FAT1: variants seen among roughly 807,000 people sequenced by gnomAD.
The protein encoded by FAT1 is FAT atypical cadherin 1.
A neutral mutation model predicts 329.8 loss-of-function variants in FAT1; 171 were observed. That is an observed-to-expected ratio of 0.52 (90% CI 0.46 to 0.59). The LOEUF (loss-of-function observed/expected upper bound fraction) is 0.59. FAT1 is among the 20% of genes least tolerant of loss of function. The probability of loss-of-function intolerance (pLI) is 0.00; values close to 1 mark genes in which losing one functional copy is unlikely to be tolerated. For missense variants in FAT1, 5,672 were observed against 5,774.4 expected, an observed-to-expected ratio of 0.98 and a Z score of 0.57; for synonymous variants, 2,233 against 2,228.6, an observed-to-expected ratio of 1.00 and a Z score of -0.06.
At chr4:186,689,459 C>T (rs909921138) in intron 2 of FAT1, among the ~76,000 whole-genome samples, 1 of 152,132 alleles carries the variant, frequency 6.6e-6, no homozygotes, top group African/African-American at 2.4e-5. Flanking sequence ...AAAACAAAGT[C>T]TGATTTTAAA....
chr4:186,658,175 C>A (rs1741995945), intron 3 of FAT1, among the ~76,000 whole-genome samples: 1 of 152,164 alleles, frequency 6.6e-6, no homozygotes, highest in Admixed American at 6.5e-5. Context: ...GTGCATATAT[C>A]ACAAAAAGAG....
At chr4:186,714,876 G>T (rs188541436) in intron 1 of FAT1, among the ~76,000 whole-genome samples, 1 of 152,112 alleles carries the variant, frequency 6.6e-6, no homozygotes, top group Non-Finnish European at 1.5e-5. Flanking sequence ...TCAAGAGACC[G>T]AGACCATCCT....
chr4:186,698,236 G>A (rs1013423699), intron 2 of FAT1, among the ~76,000 whole-genome samples: 3 of 152,164 alleles, frequency 2.0e-5, no homozygotes, highest in South Asian at 2.1e-4. Flanking sequence ...CAGACAGGCC[G>A]CGCACTGAGT....
Position 186,597,051 on chromosome 4 carries a change from C to T in FAT1, c.12489G>A (p.Glu4163=), listed in dbSNP as rs746533501. ...ACACATACTGGTTGGGCGCAGCATC[C>T]TCGCAGTGACGTCCCCTGTACTCGT... is the stretch of plus-strand genomic sequence containing the variant. The part of the protein sequence containing the change: ...CSHEYRGRHC[E]DAAPNQYVST... The change falls in exon 25 of 27, where the codon GAG becomes GAA. Residue 4163 remains glutamate (E), a synonymous_variant. Coordinates refer to ENST00000441802, the MANE Select transcript of FAT1 (RefSeq NM_005245.4). 1.2e-6 allele frequency: 2 copies of T among 1,614,026 alleles called. No individual in the cohort carries two copies. Among genetic ancestry groups the T allele is most frequent in the South Asian group, 1.1e-5 (1 of 91,086 alleles).
intron 2 of FAT1, among the ~76,000 whole-genome samples, chr4:186,678,579 T>C (rs1743056411): frequency 6.7e-6 from 1 of 148,816 alleles, no homozygotes; most frequent in Non-Finnish European, 1.5e-5. Flanking sequence ...GTCATTAATA[T>C]CAATTATTGT....
At chr4:186,692,421 T>G (rs182392626) in intron 2 of FAT1, among the ~76,000 whole-genome samples, 1 of 152,108 alleles carries the variant, frequency 6.6e-6, no homozygotes, top group Non-Finnish European at 1.5e-5. Flanking sequence ...CACGCCATTC[T>G]CCTGCCTCAG....
At chr4:186,628,967 G>A (rs1014272441) in intron 7 of FAT1, among the ~76,000 whole-genome samples, 5 of 152,156 alleles carry the variant, frequency 3.3e-5, no homozygotes, top group Non-Finnish European at 5.9e-5. Flanking sequence ...GTAAGATAAT[G>A]ATGACCTTTC....
At chr4:186,724,909 C>A (rs1235788353), upstream of FAT1, among the ~76,000 whole-genome samples, 1 of 152,132 alleles carries the variant, frequency 6.6e-6, no homozygotes, top group Non-Finnish European at 1.5e-5. The surrounding 1 kb of genome is among the most constrained non-coding windows in gnomAD (Gnocchi z 5.3). Flanking sequence ...AACGGCAGGG[C>A]AGTCAAGTGT....
chr4:186,624,853 C>A (rs1307442270), intron 9 of FAT1, among the ~76,000 whole-genome samples: 1 of 152,240 alleles, frequency 6.6e-6, no homozygotes, highest in Non-Finnish European at 1.5e-5. Flanking sequence ...CCACCTCCAT[C>A]TCCAACACAT....
intron 1 of FAT1, among the ~76,000 whole-genome samples, chr4:186,714,666 G>A (rs963909726): frequency 8.5e-5 from 13 of 152,252 alleles, no homozygotes; most frequent in African/African-American, 2.2e-4. Context: ...GGGAGATGTC[G>A]GCCACTGAGG....
rs2126401827 is a variant in FAT1 at position 186,598,000 on chromosome 4, G to C, written c.12229C>G (p.Gln4077Glu). ...CVVDNGGFVCQCRGLYTGQRC... is the reference protein window; with the variant it reads ...CVVDNGGFVCECRGLYTGQRC... The stretch of plus-strand genomic sequence containing the variant: ...TGACCAGTATATAATCCTCTACACT[G>C]GCAAACAAAGCCTCCGTTGTCGACA... The change falls in exon 23 of 27, where the codon CAG becomes GAG. Residue 4077 changes from glutamine to glutamate, a missense_variant. This residue lies in a region of FAT1 where 1,706 missense variants were observed against 1,859.1 expected (regional missense o/e 0.92). Coordinates refer to ENST00000441802, the MANE Select transcript of FAT1 (RefSeq NM_005245.4). 1 of 1,613,100 alleles carries C rather than the reference G, an allele frequency of 6.2e-7. No individual in the cohort carries two copies. Among genetic ancestry groups the C allele is most frequent in the Non-Finnish European group, 8.5e-7 (1 of 1,179,682 alleles).
At chr4:186,643,981 TAAAGG>T (rs1312047636) in intron 3 of FAT1, among the ~76,000 whole-genome samples, 2 of 152,168 alleles carry the variant, frequency 1.3e-5, no homozygotes, top group African/African-American at 2.4e-5. Context: ...GATATATACT[TAAAGG>T]AAACTGTACA....
intron 3 of FAT1, among the ~76,000 whole-genome samples, chr4:186,651,195 G>C (rs1161328025): frequency 1.3e-5 from 2 of 150,262 alleles, no homozygotes; most frequent in Non-Finnish European, 3.0e-5. Context: ...ATGAGCTACA[G>C]AAATAACAGA....
intron 6 of FAT1, among the ~76,000 whole-genome samples, chr4:186,635,533 C>T (rs1017184598): frequency 6.6e-6 from 1 of 152,124 alleles, no homozygotes; most frequent in Non-Finnish European, 1.5e-5. Flanking sequence ...TAACTTTGTA[C>T]CATAAGCTGG....
chr4:186,629,772 G>GT (rs1740502412), intron 7 of FAT1, among the ~76,000 whole-genome samples: 1 of 152,106 alleles, frequency 6.6e-6, no homozygotes, highest in African/African-American at 2.4e-5. Context: ...TAAATAAAAC[G>GT]TAACATTACA....
Position 186,663,332 on chromosome 4 carries a change from G to A in FAT1, c.3547C>T (p.Pro1183Ser), listed in dbSNP as rs1035563944. 33 of 1,613,832 alleles carry A rather than the reference G, an allele frequency of 2.0e-5. No homozygotes were observed. Among genetic ancestry groups the A allele is most frequent in the Middle Eastern group, 3.3e-4 (2 of 6,062 alleles). ...GGATGTATTGAAAAGAATCCTTGTGGATTTCCACTTGTAATTTTGTACATG... is the reference window on the plus strand; with the variant it reads ...GGATGTATTGAAAAGAATCCTTGTGAATTTCCACTTGTAATTTTGTACATG... Reference protein sequence around the residue: ...KLMYKITSGNPQGFFSIHPKT... With the variant: ...KLMYKITSGNSQGFFSIHPKT... Residue 1183 changes from proline (P) to serine (S), a missense_variant, in exon 3 of 27, where the codon CCA (proline) becomes TCA (serine). This residue lies in a region of FAT1 where 3,966 missense variants were observed against 3,915.2 expected (regional missense o/e 1.01). Transcript: ENST00000441802.
chr4:186,654,639 G>A (rs1741819503), intron 3 of FAT1, among the ~76,000 whole-genome samples: 1 of 152,216 alleles, frequency 6.6e-6, no homozygotes, highest in Non-Finnish European at 1.5e-5. Flanking sequence ...GTTGGGCGCA[G>A]TGGCTCATGC....
In FAT1 at chr4:186,643,145, C is replaced by T. The variant is rs694899; in HGVS notation, c.3581-3362G>A. Among the ~76,000 whole-genome samples the T allele has an allele frequency of 1.8e-4, 28 of 152,278 alleles. No individual in the cohort carries two copies. In the East Asian group the frequency reaches 4.8e-3, roughly 26 times the overall value. On this transcript the variant is annotated intron_variant, in intron 3 of 26. Coordinates refer to ENST00000441802, the MANE Select transcript of FAT1 (RefSeq NM_005245.4). The stretch of plus-strand genomic sequence containing the variant: ...TTTACACTTCAGTTTCTCAATCACA[C>T]TAAGCCAAATTTCCAGGGTACGGCA...
At chr4:186,636,447 G>A in intron 5 of FAT1, 138 bp downstream of exon 5, 2 of 961,100 alleles carry the variant, frequency 2.1e-6, no homozygotes, top group Admixed American at 2.4e-5. Context: ...ACGTTATCCG[G>A]CATTGCCTAA....
Sources: allele counts gnomAD v4.1 joint callset (sites outside exome capture counted in the v4.1 genomes callset), GRCh38; gene constraint gnomAD v4.1.1; regional missense constraint gnomAD v4.1.1; non-coding constraint Gnocchi (gnomAD v3.1); transcripts MANE v1.5; gene names NCBI Gene and HGNC (gene_info 2026-07-23, HGNC 2026-07-21).